SFMBT2: variants seen among roughly 807,000 people sequenced by gnomAD.
The protein encoded by SFMBT2 is scm-like with four MBT domains protein 2.
SFMBT2 carries 38 observed loss-of-function variants against 110.1 expected under a neutral mutation model. The observed-to-expected ratio is 0.35, with a 90% confidence interval of 0.27 to 0.45. SFMBT2 has a LOEUF of 0.45. Among genes scored for constraint, SFMBT2 ranks in the 20% least tolerant of loss-of-function variants. SFMBT2 has a pLI of 1.00. For missense variants in SFMBT2, 1,011 were observed against 1,094.9 expected (o/e 0.92, Z 1.08); for synonymous variants, 425 against 425.4 (o/e 1.00, Z 0.01).
At chr10:7,270,731 C>G (rs1841552855) in intron 7 of SFMBT2, among the ~76,000 whole-genome samples, 1 of 152,096 alleles carries the variant, frequency 6.6e-6, no homozygotes, top group African/African-American at 2.4e-5. Flanking sequence ...AAATAATAGT[C>G]TGAATTCTTA....
chr10:7,292,341 C>T (rs1480952223), intron 4 of SFMBT2: 1 of 226,086 alleles, frequency 4.4e-6, no homozygotes, highest in Non-Finnish European at 7.4e-6. Flanking sequence ...AAAAAGATGA[C>T]AGAGTTCTTT....
chr10:7,250,781 G>A (rs2131738777), intron 7 of SFMBT2, among the ~76,000 whole-genome samples: 1 of 152,292 alleles, frequency 6.6e-6, no homozygotes. Context: ...CATTCTTACT[G>A]GTGTGAGACG....
intron 4 of SFMBT2, among the ~76,000 whole-genome samples, chr10:7,308,392 A>G (rs1842755543): frequency 6.6e-6 from 1 of 152,034 alleles, no homozygotes; most frequent in Non-Finnish European, 1.5e-5. Context: ...AAAATTTAGC[A>G]CCTATTAAAA....
intron 4 of SFMBT2, among the ~76,000 whole-genome samples, chr10:7,358,615 G>A (rs1470046700): frequency 1.3e-5 from 2 of 151,300 alleles, no homozygotes; most frequent in East Asian, 2.0e-4. Context: ...GCCCTGGAAT[G>A]GAGGCACGGC....
intron 20 of SFMBT2, among the ~76,000 whole-genome samples, chr10:7,167,093 G>T (rs1032877275): frequency 1.1e-4 from 17 of 152,194 alleles, no homozygotes; most frequent in African/African-American, 3.9e-4. Flanking sequence ...AGAGCACTCG[G>T]GTGAGGATCT....
intron 4 of SFMBT2, among the ~76,000 whole-genome samples, chr10:7,288,331 G>T (rs115434189): frequency 6.6e-6 from 1 of 152,084 alleles, no homozygotes; most frequent in Non-Finnish European, 1.5e-5. Context: ...GCCTCACCCC[G>T]CTTATAATAA....
intron 9 of SFMBT2, among the ~76,000 whole-genome samples, chr10:7,234,277 C>T (rs777080773): frequency 3.3e-5 from 5 of 151,688 alleles, no homozygotes; most frequent in South Asian, 2.1e-4. Flanking sequence ...AAGCACTAGC[C>T]CTACCGCCTT....
intron 2 of SFMBT2, among the ~76,000 whole-genome samples, chr10:7,373,905 G>T (rs373737143): frequency 6.6e-6 from 1 of 152,170 alleles, no homozygotes; most frequent in Non-Finnish European, 1.5e-5. Flanking sequence ...GTAGGACTCC[G>T]AGAATGATAG....
chr10:7,174,404 G>C (rs1218497050), intron 17 of SFMBT2, among the ~76,000 whole-genome samples: 1 of 152,248 alleles, frequency 6.6e-6, no homozygotes, highest in Non-Finnish European at 1.5e-5. Flanking sequence ...AGGCCAGTAT[G>C]TGTTTGGAGC....
At chr10:7,305,892 T>C (rs1292580524) in intron 4 of SFMBT2, among the ~76,000 whole-genome samples, 1 of 152,216 alleles carries the variant, frequency 6.6e-6, no homozygotes, top group Non-Finnish European at 1.5e-5. Flanking sequence ...TGTGGGGAAG[T>C]AAAACAAAAC....
chr10:7,398,527 C>T (rs1233206889), intron 1 of SFMBT2, among the ~76,000 whole-genome samples: 1 of 152,200 alleles, frequency 6.6e-6, no homozygotes. Flanking sequence ...TATTTACACC[C>T]AAGCCACAAA....
At chr10:7,318,747 A>G (rs892510275) in intron 4 of SFMBT2, among the ~76,000 whole-genome samples, 2 of 152,392 alleles carry the variant, frequency 1.3e-5, no homozygotes, top group Admixed American at 1.3e-4. Context: ...GCTAGGACAG[A>G]CGAATGGTCA....
intron 4 of SFMBT2, among the ~76,000 whole-genome samples, chr10:7,348,486 C>T (rs1844193112): frequency 6.6e-6 from 1 of 152,162 alleles, no homozygotes; most frequent in Non-Finnish European, 1.5e-5. Flanking sequence ...TACTTAACAG[C>T]TCTGTTAGTT....
At chr10:7,378,633 G>A (rs565308984) in intron 2 of SFMBT2, among the ~76,000 whole-genome samples, 2 of 147,696 alleles carry the variant, frequency 1.4e-5, no homozygotes, top group African/African-American at 5.0e-5. Context: ...TGGATGGATG[G>A]GTGGATGGAT....
intron 4 of SFMBT2, chr10:7,320,717 G>T: frequency 1.6e-6 from 1 of 614,772 alleles, no homozygotes; most frequent in Non-Finnish European, 2.0e-6. Context: ...TCAGTGTTTT[G>T]CGGGCTGACA....
chr10:7,164,633 A>G (rs1837646117), intron 20 of SFMBT2, among the ~76,000 whole-genome samples: 1 of 152,018 alleles, frequency 6.6e-6, no homozygotes, highest in Admixed American at 6.6e-5. Context: ...AATCTCTACT[A>G]AAAGACAAGG....
chr10:7,371,193 G>A (rs540142647), intron 2 of SFMBT2, among the ~76,000 whole-genome samples: 3 of 151,998 alleles, frequency 2.0e-5, no homozygotes, highest in East Asian at 3.9e-4. Context: ...GTGCAATCTC[G>A]GCTCACTACA....
chr10:7,252,934 T>C lies in SFMBT2; in HGVS notation c.871-4285A>G, dbSNP rs550834898. Among the ~76,000 whole-genome samples, 6 of 152,256 alleles carry C rather than the reference T, an allele frequency of 3.9e-5. No individual in the cohort carries two copies. The South Asian group carries it at 8.3e-4, about 21-fold the overall frequency. On this transcript the variant is annotated intron_variant, in intron 7 of 20. Coordinates refer to ENST00000397167, the MANE Select transcript of SFMBT2 (RefSeq NM_001387889.1). Reference sequence around the variant, plus strand: ...ATAATTAGAGAGGGTTGTAAGTTCTTTTCCACCCCACACCCACTAGGGAGG... The same window carrying C: ...ATAATTAGAGAGGGTTGTAAGTTCTCTTCCACCCCACACCCACTAGGGAGG...
chr10:7,315,040 GAAAGAA>G (rs1842957768), intron 4 of SFMBT2, among the ~76,000 whole-genome samples: 1 of 71,402 alleles, frequency 1.4e-5, no homozygotes, highest in African/African-American at 4.7e-5. Flanking sequence ...GAAAGAAAGA[GAAAGAA>G]AGAAAGAAAG....
Sources: gnomAD v4.1 joint callset for allele counts (sites outside exome capture counted in the v4.1 genomes callset) on GRCh38, gnomAD v4.1.1 for gene constraint, MANE v1.5 for transcripts, NCBI Gene and HGNC (gene_info 2026-07-23, HGNC 2026-07-21) for gene names.